Variants in CGNL1 observed in about 807,000 individuals in gnomAD.
The protein encoded by CGNL1 is cingulin like 1.
A neutral mutation model predicts 141.2 loss-of-function variants in CGNL1; 132 were observed. The ratio of observed to expected loss-of-function variants is 0.93; its 90% confidence interval spans 0.81 to 1.08. CGNL1 has a LOEUF of 1.08. Among genes scored for constraint, CGNL1 ranks in the 50% least tolerant of loss-of-function variants. CGNL1 has a pLI of 0.00. For missense variants in CGNL1, 1,870 were observed against 1,588.6 expected (o/e 1.18, Z -3.01); for synonymous variants, 690 against 622.1 (o/e 1.11, Z -1.63).
chr15:57,547,423 G>T lies in CGNL1; in HGVS notation c.3842G>T (p.Gly1281Val). The change falls in exon 19 of 19, where the codon GGA (glycine) becomes GTA (valine). Residue 1281 changes from glycine to valine, a missense_variant. Coordinates refer to ENST00000281282, the MANE Select transcript of CGNL1 (RefSeq NM_032866.5). ...DDDDDLSTDGGSLYEAPVSYT... is the reference protein window; with the variant it reads ...DDDDDLSTDGVSLYEAPVSYT... ...GACGATGACCTCAGCACGGATGGGG[G>T]AAGCCTCTATGAGGCGCCTGTGAGC... 1 of 1,614,038 alleles carries T rather than the reference G, an allele frequency of 6.2e-7. No homozygotes were observed. Among genetic ancestry groups the T allele is most frequent in the Non-Finnish European group, 8.5e-7 (1 of 1,180,010 alleles).
At chr15:57,453,592 C>T (rs566009847) in intron 6 of CGNL1, 91 bp from the exon 7 acceptor site, 3 of 1,510,752 alleles carry the variant, frequency 2.0e-6, no homozygotes, top group East Asian at 4.7e-5. Flanking sequence ...GCTTTAGAGA[C>T]TTGTGTAACC....
intron 8 of CGNL1, among the ~76,000 whole-genome samples, chr15:57,495,630 C>T (rs2063927037): frequency 6.6e-6 from 1 of 152,166 alleles, no homozygotes; most frequent in African/African-American, 2.4e-5. Context: ...TATAGCCACT[C>T]TACTGTTTTC....
chr15:57,540,390 G>T (rs1258103053), intron 14 of CGNL1, among the ~76,000 whole-genome samples: 1 of 152,134 alleles, frequency 6.6e-6, no homozygotes, highest in East Asian at 1.9e-4. Flanking sequence ...ATGTGCAGGG[G>T]AATTTCCCTT....
intron 13 of CGNL1, 95 bp from the exon 14 acceptor site, chr15:57,531,595 A>G (rs1388952240): frequency 6.4e-6 from 5 of 780,002 alleles, no homozygotes; most frequent in Middle Eastern, 2.3e-4. Context: ...GTTAGCTCTC[A>G]TTTGCCCTTA....
At chr15:57,513,269 TG>T in intron 8 of CGNL1, among the ~76,000 whole-genome samples, 1 of 133,626 alleles carries the variant, frequency 7.5e-6, no homozygotes, top group Middle Eastern at 3.8e-3. Flanking sequence ...TGTGTGTGTG[TG>T]TGTGTGTGTG....
intron 1 of CGNL1, among the ~76,000 whole-genome samples, chr15:57,389,964 T>C (rs2062524521): frequency 6.6e-6 from 1 of 152,118 alleles, no homozygotes. Flanking sequence ...TACAGGCACG[T>C]GCCACCACAC....
intron 1 of CGNL1, among the ~76,000 whole-genome samples, chr15:57,380,924 G>A (rs1468221519): frequency 1.3e-5 from 2 of 152,166 alleles, no homozygotes; most frequent in Non-Finnish European, 1.5e-5. Context: ...TGGAGCAAGT[G>A]GTTGGGTTTG....
chr15:57,469,339 T>C (rs2063550974), intron 8 of CGNL1, among the ~76,000 whole-genome samples: 1 of 150,798 alleles, frequency 6.6e-6, no homozygotes. Flanking sequence ...GTGTGAACAA[T>C]GAGTGAGGAG....
chr15:57,505,242 T>A (rs2064085413), intron 8 of CGNL1, among the ~76,000 whole-genome samples: 1 of 152,226 alleles, frequency 6.6e-6, no homozygotes, highest in Non-Finnish European at 1.5e-5. Context: ...GTTTGCTGTG[T>A]ATATAGCGAC....
At chr15:57,400,527 G>A (rs2062648195) in intron 1 of CGNL1, among the ~76,000 whole-genome samples, 1 of 152,144 alleles carries the variant, frequency 6.6e-6, no homozygotes, top group South Asian at 2.1e-4. Context: ...AGCACACACA[G>A]CTTTGGATGC....
At chr15:57,393,643 G>C (rs186936726) in intron 1 of CGNL1, among the ~76,000 whole-genome samples, 1 of 151,740 alleles carries the variant, frequency 6.6e-6, no homozygotes, top group Non-Finnish European at 1.5e-5. Flanking sequence ...ATGTTCCAGA[G>C]TAGCCCCGAG....
intron 1 of CGNL1, among the ~76,000 whole-genome samples, chr15:57,395,987 C>G (rs1392334899): frequency 1.3e-5 from 2 of 152,154 alleles, no homozygotes; most frequent in Non-Finnish European, 2.9e-5. Context: ...AAAGCTTTGA[C>G]TGTTCTTGAA....
chr15:57,450,675 T>A (rs2152320345), intron 4 of CGNL1, among the ~76,000 whole-genome samples: 1 of 152,336 alleles, frequency 6.6e-6, no homozygotes, highest in South Asian at 2.1e-4. Context: ...GAACCCAGGG[T>A]GAATGTGGGG....
At chr15:57,509,910 T>G (rs1004455439) in intron 8 of CGNL1, among the ~76,000 whole-genome samples, 1 of 152,222 alleles carries the variant, frequency 6.6e-6, no homozygotes, top group Non-Finnish European at 1.5e-5. Context: ...GCCATCGGTT[T>G]ACCACACCAC....
chr15:57,418,925 C>T lies in CGNL1; in HGVS notation c.-15-19060C>T, dbSNP rs572143441. Among the ~76,000 whole-genome samples the T allele has an allele frequency of 7.2e-4, 55 of 76,914 alleles. No homozygotes were observed. In the East Asian group the frequency reaches 0.028, roughly 39 times the overall value. The allele number at this position is 76,914 out of a possible 152,430, so 50.5% of individuals were successfully genotyped here. A position where few individuals can be genotyped will look rare whatever the true frequency, so the allele number is the denominator to read the frequency against. ...CTGACTGCGTCAGTGGGTTTCACTG[C>T]CTGGTGCCTTTTTTTTTTTTGAGAC... On this transcript the variant is annotated intron_variant, in intron 1 of 18. Coordinates refer to ENST00000281282, the MANE Select transcript of CGNL1 (RefSeq NM_032866.5).
intron 7 of CGNL1, among the ~76,000 whole-genome samples, chr15:57,456,106 C>G (rs755305023): frequency 6.6e-6 from 1 of 152,202 alleles, no homozygotes; most frequent in Non-Finnish European, 1.5e-5. Flanking sequence ...TCTACGGTTT[C>G]TACGTCACTA....
intron 8 of CGNL1, among the ~76,000 whole-genome samples, chr15:57,497,872 T>C (rs1254737701): frequency 6.6e-6 from 1 of 152,196 alleles, no homozygotes; most frequent in African/African-American, 2.4e-5. Flanking sequence ...CTTTCTCACA[T>C]TAGTGGGCAC....
intron 14 of CGNL1, among the ~76,000 whole-genome samples, chr15:57,539,646 T>C (rs2032453987): frequency 6.6e-6 from 1 of 152,224 alleles, no homozygotes; most frequent in Non-Finnish European, 1.5e-5. Flanking sequence ...TGCAGACCCT[T>C]CCAGAAGCAA....
intron 8 of CGNL1, among the ~76,000 whole-genome samples, chr15:57,494,424 C>T (rs1337770644): frequency 1.3e-5 from 2 of 152,166 alleles, no homozygotes; most frequent in African/African-American, 2.4e-5. Flanking sequence ...ACCTCTGCCA[C>T]CACCCTTTTT....
Sources: gnomAD v4.1 joint callset for allele counts (sites outside exome capture counted in the v4.1 genomes callset) on GRCh38, gnomAD v4.1.1 for gene constraint, MANE v1.5 for transcripts, NCBI Gene and HGNC (gene_info 2026-07-23, HGNC 2026-07-21) for gene names.